The following TUT7 variants were observed in gnomAD, a reference collection of about 807,000 sequenced individuals.
TUT7 encodes terminal uridylyl transferase 7.
TUT7 carries 33 observed loss-of-function variants against 165.9 expected under a neutral mutation model. The observed-to-expected ratio is 0.20, with a 90% CI of 0.15 to 0.27. TUT7 has a LOEUF of 0.27. Ranked by LOEUF, TUT7 falls within the 10% of genes least tolerant of loss-of-function variation. The pLI, the probability that TUT7 is intolerant of heterozygous loss-of-function variation, is 1.00. For missense variants in TUT7, 1,338 were observed against 1,762.3 expected (o/e 0.76, Z 4.31); for synonymous variants, 552 against 608.1 (o/e 0.91, Z 1.36).
At chr9:86,326,266 A>G (rs1165937406) in intron 11 of TUT7, 3 of 152,814 alleles carry the variant, frequency 2.0e-5, no homozygotes, top group Non-Finnish European at 4.4e-5. Context: ...TTAGATCTGA[A>G]ATCCAAACTC....
At chr9:86,350,771 C>T (rs141791131) in intron 2 of TUT7, among the ~76,000 whole-genome samples, 1,839 of 152,330 alleles carry the variant, frequency 0.012, 17 homozygotes, top group Middle Eastern at 0.031. Flanking sequence ...TACTACTTAA[C>T]GCCTTTATAA....
chr9:86,331,152 AC>A (rs1260436987), intron 10 of TUT7, among the ~76,000 whole-genome samples: 1 of 152,140 alleles, frequency 6.6e-6, no homozygotes, highest in African/African-American at 2.4e-5. Flanking sequence ...TATTTTAAGA[AC>A]CAGCATAGGC....
At chr9:86,307,719 C>A (rs376109770) in intron 22 of TUT7, among the ~76,000 whole-genome samples, 1 of 152,108 alleles carries the variant, frequency 6.6e-6, no homozygotes, top group South Asian at 2.1e-4. Context: ...GGTGGCCAGG[C>A]GCAGTGGCTC....
At chr9:86,345,929 G>A (rs1831717744) in intron 3 of TUT7, 144 bp from the exon 4 acceptor site, 3 of 647,152 alleles carry the variant, frequency 4.6e-6, no homozygotes, top group Non-Finnish European at 8.0e-6. Context: ...TGGCTGGAGT[G>A]AACTGGCTAT....
chr9:86,308,539 C>A lies in TUT7; in HGVS notation c.3728G>T (p.Arg1243Leu). Residue 1243 changes from arginine to leucine, a missense_variant, in exon 22 of 27, where the codon CGT becomes CTT. Coordinates refer to ENST00000375963, the MANE Select transcript of TUT7 (RefSeq NM_024617.4). ...AAAATCAAATTCCTCTGTGTAGAAA[C>A]GAAGAAGGCCCAACCATAACTGCCC... The part of the protein sequence containing the change: ...SVGQLWLGLL[R>L]FYTEEFDFKE... 3 of 1,613,834 alleles carry A rather than the reference C, an allele frequency of 1.9e-6. No individual in the cohort carries two copies. The highest frequency in any genetic ancestry group is 2.5e-6 in the Non-Finnish European group (3 of 1,179,904).
At chr9:86,338,593 G>A (rs1831047211) in intron 9 of TUT7, among the ~76,000 whole-genome samples, 1 of 152,106 alleles carries the variant, frequency 6.6e-6, no homozygotes, top group Non-Finnish European at 1.5e-5. Context: ...TCACAAATCT[G>A]ATTTTTAATA....
At chr9:86,349,172 G>A (rs1441528988) in intron 2 of TUT7, among the ~76,000 whole-genome samples, 1 of 151,748 alleles carries the variant, frequency 6.6e-6, no homozygotes, top group South Asian at 2.1e-4. Context: ...CCAGCTACTC[G>A]GGAGGCTGAG....
chr9:86,328,423 A>G lies in TUT7; in HGVS notation c.1525T>C (p.Trp509Arg). The G allele has an allele frequency of 6.2e-7, 1 of 1,613,026 alleles. No individual in the cohort carries two copies. Among genetic ancestry groups the G allele is most frequent in the Non-Finnish European group, 8.5e-7 (1 of 1,179,434 alleles). Reference protein sequence around the residue: ...LQDIEKDVVIWEHTDSAAGDT... With the variant: ...LQDIEKDVVIREHTDSAAGDT... Reference sequence around the variant, plus strand: ...CCTGCAGCACTGTCAGTATGTTCCCAGATCACAACATCTTTTTCAATGTCT... The same window carrying G: ...CCTGCAGCACTGTCAGTATGTTCCCGGATCACAACATCTTTTTCAATGTCT... Residue 509 changes from tryptophan (W) to arginine (R), a missense_variant, in exon 11 of 27, where the codon TGG becomes CGG. Physicochemically the swap from Trp to Arg is moderately radical, Grantham distance 101. This residue lies in a region of TUT7 where 74 missense variants were observed against 128.5 expected (regional missense o/e 0.58). Coordinates refer to ENST00000375963, the MANE Select transcript of TUT7 (RefSeq NM_024617.4).
At chr9:86,333,961 A>G (rs569886128) in intron 10 of TUT7, among the ~76,000 whole-genome samples, 1 of 152,164 alleles carries the variant, frequency 6.6e-6, no homozygotes, top group East Asian at 1.9e-4. Flanking sequence ...TTCTTAAAAA[A>G]GGTCTGAGAC....
At chr9:86,303,361 C>A (rs1827129577) in intron 24 of TUT7, among the ~76,000 whole-genome samples, 160 bp from the exon 25 acceptor site, 2 of 152,092 alleles carry the variant, frequency 1.3e-5, no homozygotes, top group African/African-American at 4.8e-5. Flanking sequence ...AATCTAAGAC[C>A]ATCAAGGTCT....
At position 86,301,594 on chromosome 9, in the gene TUT7, G is replaced by A. The variant is rs752229778; in HGVS notation, c.4102C>T (p.Arg1368Trp). ...KDCPMRRKVR[R>W]RRDQEDALNQ... ...AGGGCATCTTCCTGATCTCGCCGCC[G>A]TCTTACTCTGTAGAAGATATCATAT... The change falls in exon 26 of 27, where the codon CGG (arginine) becomes TGG (tryptophan). Residue 1368 changes from arginine (R) to tryptophan (W), a missense_variant. Physicochemically the swap from Arg to Trp is moderately radical, Grantham distance 101. This residue lies in a region of TUT7 where 167 missense variants were observed against 204.9 expected (regional missense o/e 0.82). Transcript: ENST00000375963. The A allele has an allele frequency of 4.8e-5, 77 of 1,611,642 alleles. No homozygotes were observed. The highest frequency in any genetic ancestry group is 2.4e-4 in the Admixed American group (14 of 59,446).
At chr9:86,309,085 TA>T in intron 21 of TUT7, 126 bp downstream of exon 21, 1 of 610,150 alleles carries the variant, frequency 1.6e-6, no homozygotes, top group South Asian at 2.2e-5. Context: ...CTGAAAACAC[TA>T]TTTTTTTTAC....
rs60583103 is a variant in TUT7 at position 86,310,071 on chromosome 9, T to TC, written c.3379-55_3379-54insG. 1,444 of 702,126 alleles carry TC rather than the reference T, an allele frequency of 2.1e-3. 10 individuals carry two copies. The African/African-American group carries it at 0.058, about 28-fold the overall frequency. The allele number at this position is 702,126 out of a possible 1,614,324, so 43.5% of individuals were successfully genotyped here. On this transcript the variant is annotated intron_variant, in intron 18 of 26. Coordinates refer to ENST00000375963, the MANE Select transcript of TUT7 (RefSeq NM_024617.4). ...CTAACAATGAAGTGTAAAGGGTCTC[T>TC]TTTTTTTTTTTGGTTGTTGTTTTAA...
chr9:86,295,107 A>T (rs1826200017), intron 26 of TUT7, among the ~76,000 whole-genome samples: 1 of 151,982 alleles, frequency 6.6e-6, no homozygotes, highest in Non-Finnish European at 1.5e-5. Flanking sequence ...AAAATATATC[A>T]TCTCAGGGAG....
chr9:86,350,451 T>C (rs1475593535), intron 2 of TUT7, among the ~76,000 whole-genome samples: 1 of 152,212 alleles, frequency 6.6e-6, no homozygotes, highest in Non-Finnish European at 1.5e-5. Flanking sequence ...CACTTAAATA[T>C]ACACAATTTT....
intron 10 of TUT7, 112 bp from the exon 11 acceptor site, chr9:86,328,604 T>G (rs1221385105): frequency 2.5e-5 from 21 of 833,872 alleles, no homozygotes; most frequent in Non-Finnish European, 3.5e-5. Context: ...ATACAAAAGA[T>G]ATAATTTATG....
chr9:86,295,451 G>T (rs1024044177), intron 26 of TUT7, among the ~76,000 whole-genome samples: 1 of 151,940 alleles, frequency 6.6e-6, no homozygotes, highest in Non-Finnish European at 1.5e-5. Flanking sequence ...TTTTGGGAAA[G>T]AATATGCAAG....
chr9:86,313,167 A>AATAG (rs1248028479), intron 17 of TUT7, among the ~76,000 whole-genome samples: 3 of 146,830 alleles, frequency 2.0e-5, no homozygotes, highest in African/African-American at 7.5e-5. Context: ...TAAATAAATA[A>AATAG]AAAGAATTAT....
intron 5 of TUT7, 150 bp downstream of exon 5, chr9:86,344,827 A>T: frequency 1.4e-6 from 1 of 695,362 alleles, no homozygotes; most frequent in South Asian, 2.1e-5. Context: ...CCTTAGGGAA[A>T]GCCAGGGAAA....
Sources: gnomAD v4.1 joint callset for allele counts (sites outside exome capture counted in the v4.1 genomes callset) on GRCh38, gnomAD v4.1.1 for gene constraint, gnomAD v4.1.1 regional missense constraint, MANE v1.5 for transcripts, NCBI Gene and HGNC (gene_info 2026-07-23, HGNC 2026-07-21) for gene names.